Variants in ATP6V1G2 observed in about 807,000 individuals in gnomAD.
The protein encoded by ATP6V1G2 is V-type proton ATPase subunit G 2.
In ATP6V1G2, 14 loss-of-function variants were observed where a neutral mutation model predicts 17.8. The observed-to-expected ratio is 0.79, with a 90% confidence interval of 0.52 to 1.23. ATP6V1G2 has a LOEUF of 1.23. Among genes scored for constraint, ATP6V1G2 ranks in the 50% most tolerant of loss-of-function variants. ATP6V1G2 has a pLI of 0.00. For missense variants in ATP6V1G2, 112 were observed against 152.2 expected, an observed-to-expected ratio of 0.74 and a Z score of 1.39; for synonymous variants, 57 against 54.8, an observed-to-expected ratio of 1.04 and a Z score of -0.17.
Position 31,546,586 on chromosome 6 carries a change from T to C in ATP6V1G2, c.-27A>G, listed in dbSNP as rs1405324026. Reference sequence around the variant, plus strand: ...TCTGTTGTTATGGCCGATGCTGTTTTGAATGCTGTCAAAGTACCAGATGGC... The same window carrying C: ...TCTGTTGTTATGGCCGATGCTGTTTCGAATGCTGTCAAAGTACCAGATGGC... On this transcript the variant is annotated 5_prime_UTR_variant, in exon 1 of 3. Transcript: ENST00000303892. The surrounding 1 kb of genome is among the most constrained non-coding windows in gnomAD (Gnocchi z 4.1). 1.9e-6 allele frequency: 3 copies of C among 1,605,452 alleles called. No homozygotes were observed. Among genetic ancestry groups the C allele is most frequent in the Non-Finnish European group, 2.6e-6 (3 of 1,173,552 alleles).
Position 31,546,466 on chromosome 6 carries a change from G to A in ATP6V1G2, c.82+12C>T. On this transcript the variant is annotated intron_variant, in intron 1 of 2. Transcript: ENST00000303892. The surrounding 1 kb of genome is among the most constrained non-coding windows in gnomAD (Gnocchi z 4.1). ...CTTTCCAAACTCCTAAGGGAGGAAA[G>A]AGGAGACTCACTCTTTCTGGCATCT... 1 of 1,612,548 alleles carries A rather than the reference G, an allele frequency of 6.2e-7. No homozygotes were observed. Among genetic ancestry groups the A allele is most frequent in the Non-Finnish European group, 8.5e-7 (1 of 1,178,746 alleles).
At position 31,546,143 on chromosome 6, in the gene ATP6V1G2, T is replaced by G. The variant is rs1036019212; in HGVS notation, c.149A>C (p.Glu50Ala). The change falls in exon 2 of 3, where the codon GAG (glutamate) becomes GCG (alanine). Residue 50 changes from glutamate to alanine, a missense_variant. Physicochemically the swap from Glu to Ala is moderately radical, Grantham distance 107. Transcript: ENST00000303892. This position sits in a 1 kb window ranked among gnomAD's most constrained non-coding sequence, Gnocchi z 4.1. Reference protein sequence around the residue: ...AQMEVEQYRREREHEFQSKQQ... With the variant: ...AQMEVEQYRRAREHEFQSKQQ... ...CTTGCTCTGGAATTCGTGCTCTCGCTCTCTGCGGTATTGCTCCACCTCCAT... is the reference window on the plus strand; with the variant it reads ...CTTGCTCTGGAATTCGTGCTCTCGCGCTCTGCGGTATTGCTCCACCTCCAT... 6.2e-7 allele frequency: 1 copy of G among 1,613,890 alleles called. No homozygotes were observed. The highest frequency in any genetic ancestry group is 8.5e-7 in the Non-Finnish European group (1 of 1,180,018).
upstream of ATP6V1G2, chr6:31,546,724 C>G: frequency 1.6e-6 from 1 of 626,480 alleles, no homozygotes; most frequent in Non-Finnish European, 2.8e-6. The surrounding 1 kb of genome is among the most constrained non-coding windows in gnomAD (Gnocchi z 4.1). Flanking sequence ...AGTGTCTCTC[C>G]CAATCTCATC....
chr6:31,546,622 C>G (rs192867843), upstream of ATP6V1G2: 632 of 1,474,942 alleles, frequency 4.3e-4, 9 homozygotes, highest in East Asian at 0.013. The surrounding 1 kb of genome is among the most constrained non-coding windows in gnomAD (Gnocchi z 4.1). Context: ...TCCCACCCCC[C>G]ACCGCTTACT....
upstream of ATP6V1G2, chr6:31,546,683 T>C: frequency 1.3e-6 from 1 of 782,606 alleles, no homozygotes; most frequent in South Asian, 1.5e-5. The surrounding 1 kb of genome is among the most constrained non-coding windows in gnomAD (Gnocchi z 4.1). Flanking sequence ...TGGGTCTTAG[T>C]GCTCCCCTGC....
chr6:31,546,110 G>A lies in ATP6V1G2; in HGVS notation c.182C>T (p.Ala61Val), dbSNP rs771599164. 3.7e-6 allele frequency: 6 copies of A among 1,613,596 alleles called. No homozygotes were observed. Among genetic ancestry groups the A allele is most frequent in the African/African-American group, 1.3e-5 (1 of 74,808 alleles). Residue 61 changes from alanine to valine, a missense_variant and splice_region_variant, in exon 2 of 3, where the codon GCG becomes GTG. Coordinates refer to ENST00000303892, the MANE Select transcript of ATP6V1G2 (RefSeq NM_130463.4). This position sits in a 1 kb window ranked among gnomAD's most constrained non-coding sequence, Gnocchi z 4.1. Reference sequence around the variant, plus strand: ...CAACCCGACTCTGCCTCAACTCACCGCCTGCTGCTTGCTCTGGAATTCGTG... The same window carrying A: ...CAACCCGACTCTGCCTCAACTCACCACCTGCTGCTTGCTCTGGAATTCGTG... ...REHEFQSKQQAAMGSQGNLSA... is the reference protein window; with the variant it reads ...REHEFQSKQQVAMGSQGNLSA...
In ATP6V1G2 at chr6:31,545,650, G is replaced by A; in HGVS notation, c.184-69C>T. The A allele has an allele frequency of 6.6e-7, 1 of 1,504,480 alleles. No individual in the cohort carries two copies. Among genetic ancestry groups the A allele is most frequent in the Non-Finnish European group, 9.0e-7 (1 of 1,116,206 alleles). 93.2% of individuals were successfully genotyped at this position (1,504,480 alleles called of 1,614,324 possible). A position where few individuals can be genotyped will look rare whatever the true frequency, so the allele number is the denominator to read the frequency against. ...GAAACAGACAAGGGTCCAGGCATAT[G>A]AGGGGAAAGATCCTGAAACAAAGCC... On this transcript the variant is annotated intron_variant, in intron 2 of 2. Transcript: ENST00000303892. The surrounding 1 kb of genome is among the most constrained non-coding windows in gnomAD (Gnocchi z 4.9).
At position 31,544,755 on chromosome 6, in the gene ATP6V1G2, G is replaced by T. The variant is rs1216707515; in HGVS notation, c.*653C>A. 1 of 456,694 alleles carries T rather than the reference G, an allele frequency of 2.2e-6. No individual in the cohort carries two copies. Among genetic ancestry groups the T allele is most frequent in the Admixed American group, 2.3e-5 (1 of 42,576 alleles). The allele number at this position is 456,694 out of a possible 1,614,324, so 28.3% of individuals were successfully genotyped here. On this transcript the variant is annotated 3_prime_UTR_variant, in exon 3 of 3. Transcript: ENST00000303892. ...ATCTCCTCTTTTTGGAGATCAGAAG[G>T]TCTCTGGGAAAAGAGAAGAACCAAT...
chr6:31,545,299 G>T lies in ATP6V1G2; in HGVS notation c.*109C>A. Reference sequence around the variant, plus strand: ...AAAATTATTGGATCCTGCCTCCCAGGATTTCTAGGGGATGGAAAGAAGACA... The same window carrying T: ...AAAATTATTGGATCCTGCCTCCCAGTATTTCTAGGGGATGGAAAGAAGACA... On this transcript the variant is annotated 3_prime_UTR_variant, in exon 3 of 3. Coordinates refer to ENST00000303892, the MANE Select transcript of ATP6V1G2 (RefSeq NM_130463.4). The surrounding 1 kb of genome is among the most constrained non-coding windows in gnomAD (Gnocchi z 4.9). 1.5e-6 allele frequency: 2 copies of T among 1,310,316 alleles called. No homozygotes were observed. The highest frequency in any genetic ancestry group is 5.3e-5 in the Admixed American group (2 of 37,650). 81.2% of individuals were successfully genotyped at this position (1,310,316 alleles called of 1,614,324 possible).
Position 31,545,337 on chromosome 6 carries a change from G to T in ATP6V1G2, c.*71C>A. 6.6e-7 allele frequency: 1 copy of T among 1,515,550 alleles called. No homozygotes were observed. The highest frequency in any genetic ancestry group is 9.0e-7 in the Non-Finnish European group (1 of 1,113,674). The allele number at this position is 1,515,550 out of a possible 1,614,324, so 93.9% of individuals were successfully genotyped here. A position where few individuals can be genotyped will look rare whatever the true frequency, so the allele number is the denominator to read the frequency against. On this transcript the variant is annotated 3_prime_UTR_variant, in exon 3 of 3. Transcript: ENST00000303892. The surrounding 1 kb of genome is among the most constrained non-coding windows in gnomAD (Gnocchi z 4.9). The stretch of plus-strand genomic sequence containing the variant: ...TGGAAAGAAGACAGGGATTATGGTG[G>T]GAGGTGATTTTGATTGGAGGATTTC...
Position 31,546,123 on chromosome 6 carries a change from T to C in ATP6V1G2, c.169A>G (p.Ser57Gly). ...CCTCAACTCACCGCCTGCTGCTTGC[T>C]CTGGAATTCGTGCTCTCGCTCTCTG... ...YRREREHEFQ[S>G]KQQAAMGSQG... Residue 57 changes from serine to glycine, a missense_variant, in exon 2 of 3, where the codon AGC becomes GGC. Coordinates refer to ENST00000303892, the MANE Select transcript of ATP6V1G2 (RefSeq NM_130463.4). The surrounding 1 kb of genome is among the most constrained non-coding windows in gnomAD (Gnocchi z 4.1). 1.2e-6 allele frequency: 2 copies of C among 1,614,006 alleles called. No homozygotes were observed. Among genetic ancestry groups the C allele is most frequent in the South Asian group, 1.1e-5 (1 of 91,076 alleles).
chr6:31,545,034 G>C lies in ATP6V1G2; in HGVS notation c.*374C>G. ...TCCCAGTTTCACAGAGGAGGACATC[G>C]AGGCTACCAAGTTAAGTAGCTTGTC... On this transcript the variant is annotated 3_prime_UTR_variant, in exon 3 of 3. Transcript: ENST00000303892. The surrounding 1 kb of genome is among the most constrained non-coding windows in gnomAD (Gnocchi z 4.9). 2.5e-6 allele frequency: 1 copy of C among 393,658 alleles called. No homozygotes were observed. Among genetic ancestry groups the C allele is most frequent in the South Asian group, 2.5e-5 (1 of 39,216 alleles). The allele number at this position is 393,658 out of a possible 1,614,324, so 24.4% of individuals were successfully genotyped here.
rs1562438455 is a variant in ATP6V1G2 at position 31,545,407 on chromosome 6, C to T, written c.*1G>A. ...AGAAGGAGTCAGGCCCTACGGTGGC[C>T]CTAGGCAGAAATCCGGTAGTTGGGG... On this transcript the variant is annotated 3_prime_UTR_variant, in exon 3 of 3. Coordinates refer to ENST00000303892, the MANE Select transcript of ATP6V1G2 (RefSeq NM_130463.4). This position sits in a 1 kb window ranked among gnomAD's most constrained non-coding sequence, Gnocchi z 4.9. The T allele has an allele frequency of 1.2e-6, 2 of 1,613,492 alleles. No individual in the cohort carries two copies. Among genetic ancestry groups the T allele is most frequent in the Admixed American group, 1.7e-5 (1 of 59,960 alleles).
In ATP6V1G2 at chr6:31,546,392, C is replaced by A. The variant is rs141963522; in HGVS notation, c.82+86G>T. ...CAGACCCTAGCTGTCTGTCTTCCCG[C>A]CAGCCTTGGGTTTTCCCAAAATGTT... is the stretch of plus-strand genomic sequence containing the variant. On this transcript the variant is annotated intron_variant, in intron 1 of 2. Transcript: ENST00000303892. This position sits in a 1 kb window ranked among gnomAD's most constrained non-coding sequence, Gnocchi z 4.1. 6.4e-4 allele frequency: 918 copies of A among 1,430,202 alleles called. 6 individuals are homozygous for A. The African/African-American group carries it at 0.01, about 16-fold the overall frequency. The allele number at this position is 1,430,202 out of a possible 1,614,324, so 88.6% of individuals were successfully genotyped here.
chr6:31,545,794 C>A lies in ATP6V1G2; in HGVS notation c.184-213G>T. ...CATGCAACTTCATCCTAAAACAGAC[C>A]GTAATATCCCCACCACCTCACCATC... is the stretch of plus-strand genomic sequence containing the variant. On this transcript the variant is annotated intron_variant, in intron 2 of 2. Coordinates refer to ENST00000303892, the MANE Select transcript of ATP6V1G2 (RefSeq NM_130463.4). The surrounding 1 kb of genome is among the most constrained non-coding windows in gnomAD (Gnocchi z 4.9). 3.2e-6 allele frequency: 2 copies of A among 626,832 alleles called. No individual in the cohort carries two copies. The highest frequency in any genetic ancestry group is 5.5e-6 in the Non-Finnish European group (2 of 361,106). 38.8% of individuals were successfully genotyped at this position (626,832 alleles called of 1,614,324 possible). A position where few individuals can be genotyped will look rare whatever the true frequency, so the allele number is the denominator to read the frequency against.
upstream of ATP6V1G2, chr6:31,546,626 G>A (rs45539531): frequency 0.01 from 15,035 of 1,434,448 alleles, 189 homozygotes; most frequent in Middle Eastern, 0.058. The surrounding 1 kb of genome is among the most constrained non-coding windows in gnomAD (Gnocchi z 4.1). Flanking sequence ...ACCCCCCACC[G>A]CTTACTTCTC....
chr6:31,546,178 C>CTCCTTTGCCTGCTTCAGTCGCCG lies in ATP6V1G2; in HGVS notation c.91_113dup (p.Glu38AspfsTer4). ...ATTGCTCCACCTCCATCTGTGCCTC[C>CTCCTTTGCCTGCTTCAGTCGCCG]TCCTTTGCCTGCTTCAGTCGCCGGG... On this transcript the variant is annotated stop_gained and frameshift_variant, in exon 2 of 3. Transcript: ENST00000303892. LOFTEE classifies it high-confidence loss of function. This position sits in a 1 kb window ranked among gnomAD's most constrained non-coding sequence, Gnocchi z 4.1. The CTCCTTTGCCTGCTTCAGTCGCCG allele has an allele frequency of 6.2e-7, 1 of 1,614,168 alleles. No homozygotes were observed. Among genetic ancestry groups the CTCCTTTGCCTGCTTCAGTCGCCG allele is most frequent in the Non-Finnish European group, 8.5e-7 (1 of 1,180,030 alleles).
Position 31,546,097 on chromosome 6 carries a change from G to A in ATP6V1G2, c.183+12C>T, listed in dbSNP as rs774025595. The A allele has an allele frequency of 1.2e-6, 2 of 1,613,590 alleles. No homozygotes were observed. The highest frequency in any genetic ancestry group is 1.7e-6 in the Non-Finnish European group (2 of 1,179,802). On this transcript the variant is annotated intron_variant, in intron 2 of 2. Transcript: ENST00000303892. The surrounding 1 kb of genome is among the most constrained non-coding windows in gnomAD (Gnocchi z 4.1). ...TGCAGTGGGGTCTCAACCCGACTCT[G>A]CCTCAACTCACCGCCTGCTGCTTGC... is the stretch of plus-strand genomic sequence containing the variant.
In ATP6V1G2 at chr6:31,545,582, C is replaced by T. The variant is rs200940135; in HGVS notation, c.184-1G>A. ...ACAGGTTCCCCTGGGAGCCCATGGC[C>T]TGGGGGGTAGGGAGAGGGGTGGAAG... is the stretch of plus-strand genomic sequence containing the variant. On this transcript the variant is annotated splice_acceptor_variant, in intron 2 of 2. Coordinates refer to ENST00000303892, the MANE Select transcript of ATP6V1G2 (RefSeq NM_130463.4). LOFTEE classifies it high-confidence loss of function. This position sits in a 1 kb window ranked among gnomAD's most constrained non-coding sequence, Gnocchi z 4.9. 1.5e-5 allele frequency: 24 copies of T among 1,613,632 alleles called. No individual in the cohort carries two copies. The highest frequency in any genetic ancestry group is 2.0e-5 in the Non-Finnish European group (24 of 1,179,882).
Sources: gnomAD v4.1 joint callset for allele counts on GRCh38, gnomAD v4.1.1 for gene constraint, Gnocchi (gnomAD v3.1) non-coding constraint, MANE v1.5 for transcripts, NCBI Gene and HGNC (gene_info 2026-07-23, HGNC 2026-07-21) for gene names.